The following CNTN4 variants were observed in gnomAD, a reference collection of about 807,000 sequenced individuals.
The protein encoded by CNTN4 is contactin-4.
In CNTN4, 77 loss-of-function variants were observed where a neutral mutation model predicts 122.5. The ratio of observed to expected loss-of-function variants is 0.63; its 90% CI spans 0.52 to 0.76. The LOEUF is 0.76. CNTN4 is among the 30% of genes least tolerant of loss of function. The pLI is 0.00. For synonymous variants in CNTN4, 512 were observed against 447.0 expected (o/e 1.15, Z -1.83); for missense variants, 1,256 against 1,259.1 (o/e 1.00, Z 0.04).
At chr3:2,705,841 ATAAT>A (rs1370902869) in intron 4 of CNTN4, among the ~76,000 whole-genome samples, 22 of 103,348 alleles carry the variant, frequency 2.1e-4, no homozygotes, top group African/African-American at 9.1e-4. Context: ...TATATAATAT[ATAAT>A]ATATAATATA....
chr3:2,864,995 C>T (rs148379957), intron 7 of CNTN4, among the ~76,000 whole-genome samples: 19 of 152,110 alleles, frequency 1.2e-4, no homozygotes, highest in African/African-American at 4.3e-4. Context: ...GACTGCATTG[C>T]GATGCTGTTT....
rs5846237 is a variant in CNTN4 at position 3,010,465 on chromosome 3, T to TA, written c.1487-15619dup. Among the ~76,000 whole-genome samples, 738 of 147,202 alleles carry TA rather than the reference T, an allele frequency of 5.0e-3. 2 individuals carry two copies. The highest frequency in any genetic ancestry group is 0.025 in the East Asian group (123 of 4,886). On this transcript the variant is annotated intron_variant, in intron 14 of 24. Transcript: ENST00000418658. ...CTCTGTCTTTATAGGCTTATGCCAT[T>TA]AAAAAAAAAAAAAAAAAATCCTTGT...
intron 2 of CNTN4, among the ~76,000 whole-genome samples, chr3:2,111,745 G>T (rs1374721685): frequency 1.3e-5 from 2 of 152,042 alleles, no homozygotes; most frequent in African/African-American, 4.8e-5. Flanking sequence ...TTCCTGTAGG[G>T]TTGTGAAGAC....
chr3:2,628,939 G>A (rs1488621570), intron 4 of CNTN4, among the ~76,000 whole-genome samples: 1 of 152,156 alleles, frequency 6.6e-6, no homozygotes, highest in Non-Finnish European at 1.5e-5. Context: ...GTGGCAAATA[G>A]GTTAGGAGGC....
At chr3:2,300,982 C>T (rs534166690) in intron 2 of CNTN4, among the ~76,000 whole-genome samples, 32 of 152,274 alleles carry the variant, frequency 2.1e-4, no homozygotes, top group African/African-American at 7.5e-4. Flanking sequence ...CAGGAAGTGA[C>T]AGCTTAGTAA....
chr3:2,381,866 AT>A, intron 3 of CNTN4, among the ~76,000 whole-genome samples: 1 of 152,208 alleles, frequency 6.6e-6, no homozygotes, highest in African/African-American at 2.4e-5. Context: ...AGAATTTGAA[AT>A]TTTTCTATGA....
At chr3:2,754,562 C>T (rs1156367695) in intron 6 of CNTN4, among the ~76,000 whole-genome samples, 2 of 151,904 alleles carry the variant, frequency 1.3e-5, no homozygotes, top group East Asian at 1.9e-4. Context: ...TACATCTCTA[C>T]CCTCTGAGCA....
chr3:2,689,868 C>A (rs947906782), intron 4 of CNTN4, among the ~76,000 whole-genome samples: 1 of 152,120 alleles, frequency 6.6e-6, no homozygotes, highest in Non-Finnish European at 1.5e-5. Flanking sequence ...TACCGGTTCA[C>A]TGTTTCACAT....
chr3:2,396,028 C>T (rs1335731548), intron 3 of CNTN4, among the ~76,000 whole-genome samples: 6 of 151,524 alleles, frequency 4.0e-5, no homozygotes, highest in African/African-American at 1.5e-4. Flanking sequence ...CCTTATGGGG[C>T]TGTTTGTTGT....
At chr3:2,828,949 A>C (rs1225846019) in intron 7 of CNTN4, among the ~76,000 whole-genome samples, 2 of 151,864 alleles carry the variant, frequency 1.3e-5, no homozygotes, top group Non-Finnish European at 2.9e-5. Flanking sequence ...TTGTTACCCA[A>C]GTTGGTCTCA....
intron 2 of CNTN4, among the ~76,000 whole-genome samples, chr3:2,175,517 C>T (rs1212751708): frequency 1.3e-5 from 2 of 152,040 alleles, no homozygotes; most frequent in East Asian, 3.9e-4. Flanking sequence ...ATTGTAAACT[C>T]CATACAAGAA....
At chr3:2,913,174 TAAA>T (rs1359070650) in intron 12 of CNTN4, among the ~76,000 whole-genome samples, 1 of 151,820 alleles carries the variant, frequency 6.6e-6, no homozygotes, top group African/African-American at 2.4e-5. Flanking sequence ...ATTAAATAAA[TAAA>T]AATTAAAACA....
chr3:2,160,607 C>A (rs1404322335), intron 2 of CNTN4, among the ~76,000 whole-genome samples: 1 of 152,108 alleles, frequency 6.6e-6, no homozygotes, highest in Non-Finnish European at 1.5e-5. Context: ...ACTGTTATTG[C>A]TGCATCTCTC....
At chr3:2,288,324 A>T (rs1454938794) in intron 2 of CNTN4, among the ~76,000 whole-genome samples, 2 of 152,140 alleles carry the variant, frequency 1.3e-5, no homozygotes, top group Non-Finnish European at 2.9e-5. Flanking sequence ...AAGGGGAGCC[A>T]GTGTGTACAG....
At chr3:2,411,612 A>G (rs893934587) in intron 3 of CNTN4, among the ~76,000 whole-genome samples, 2 of 152,156 alleles carry the variant, frequency 1.3e-5, no homozygotes, top group Non-Finnish European at 2.9e-5. Flanking sequence ...CTTTCAATCA[A>G]TGGACTAATC....
chr3:2,794,318 CAG>C (rs890911761), intron 6 of CNTN4, among the ~76,000 whole-genome samples: 9 of 152,178 alleles, frequency 5.9e-5, no homozygotes, highest in Admixed American at 3.3e-4. Flanking sequence ...CACTGATTCT[CAG>C]AGAGATCAAC....
intron 3 of CNTN4, among the ~76,000 whole-genome samples, chr3:2,344,197 C>T (rs1269339323): frequency 6.6e-6 from 1 of 152,058 alleles, no homozygotes; most frequent in Non-Finnish European, 1.5e-5. Flanking sequence ...ACAAAATAAG[C>T]AGATTGTCAT....
chr3:2,487,164 T>C (rs1282727757), intron 3 of CNTN4, among the ~76,000 whole-genome samples: 1 of 152,210 alleles, frequency 6.6e-6, no homozygotes, highest in Non-Finnish European at 1.5e-5. Context: ...TATTTTGCCA[T>C]TGGTAGCCAA....
At chr3:2,653,300 C>T (rs898661570) in intron 4 of CNTN4, among the ~76,000 whole-genome samples, 1 of 152,070 alleles carries the variant, frequency 6.6e-6, no homozygotes, top group African/African-American at 2.4e-5. Context: ...TTTAAATTCT[C>T]TTTTAAACTA....
Sources: gnomAD v4.1 joint callset for allele counts (sites outside exome capture counted in the v4.1 genomes callset) on GRCh38, gnomAD v4.1.1 for gene constraint, MANE v1.5 for transcripts, NCBI Gene and HGNC (gene_info 2026-07-23, HGNC 2026-07-21) for gene names.